PRKCH: variants seen among roughly 807,000 people sequenced by gnomAD.
PRKCH encodes protein kinase C eta.
A neutral mutation model predicts 82.5 loss-of-function variants in PRKCH; 28 were observed. The ratio of observed to expected loss-of-function variants is 0.34; its 90% CI spans 0.25 to 0.47. PRKCH has a LOEUF of 0.47. Ranked by LOEUF, PRKCH falls within the 20% of genes least tolerant of loss-of-function variation. The probability of loss-of-function intolerance (pLI) is 1.00; values close to 1 mark genes in which losing one functional copy is unlikely to be tolerated. For synonymous variants in PRKCH, 322 were observed against 327.4 expected (o/e 0.98, Z 0.18); for missense variants, 705 against 881.8 (o/e 0.80, Z 2.54).
chr14:61,353,180 A>G (rs1187991444), intron 1 of PRKCH, among the ~76,000 whole-genome samples: 1 of 152,182 alleles, frequency 6.6e-6, no homozygotes, highest in Non-Finnish European at 1.5e-5. Flanking sequence ...AAGTGGGGAA[A>G]AATCTGGAAA....
intron 10 of PRKCH, among the ~76,000 whole-genome samples, chr14:61,514,997 A>G (rs992528977): frequency 6.6e-6 from 1 of 152,220 alleles, no homozygotes; most frequent in Admixed American, 6.5e-5. Context: ...CATGATAAAA[A>G]TATTCATAGA....
chr14:61,250,285 G>A (rs1031011864), intron 1 of PRKCH, among the ~76,000 whole-genome samples: 1 of 120,140 alleles, frequency 8.3e-6, no homozygotes, highest in Admixed American at 8.5e-5. Flanking sequence ...AAATAAATCT[G>A]GACACGGATG....
At chr14:61,386,554 G>C (rs2046591307) in intron 1 of PRKCH, among the ~76,000 whole-genome samples, 2 of 152,132 alleles carry the variant, frequency 1.3e-5, no homozygotes, top group Admixed American at 1.3e-4. Context: ...GTGGCCTACT[G>C]GGTAAATACA....
intron 1 of PRKCH, among the ~76,000 whole-genome samples, chr14:61,237,707 C>T (rs1214883616): frequency 6.6e-6 from 1 of 152,202 alleles, no homozygotes; most frequent in African/African-American, 2.4e-5. Context: ...TCCCCCAACC[C>T]TTACCTCCAG....
At position 61,231,884 on chromosome 14, in the gene PRKCH, A is replaced by G. The variant is rs539399107; in HGVS notation, c.-19+44216A>G. Among the ~76,000 whole-genome samples, 65 of 152,302 alleles carry G rather than the reference A, an allele frequency of 4.3e-4. 1 individual carries two copies. Among genetic ancestry groups the G allele is most frequent in the Middle Eastern group, 6.8e-3 (2 of 294 alleles). On this transcript the variant is annotated intron_variant, in intron 1 of 3. Coordinates refer to the PRKCH transcript ENST00000555185. The stretch of plus-strand genomic sequence containing the variant: ...TGCTATACTCTCACCACACAGTCAC[A>G]CAACACTGCTAACACCAGCTGTGTT...
intron 10 of PRKCH, among the ~76,000 whole-genome samples, chr14:61,508,343 C>T (rs774042435): frequency 5.3e-5 from 8 of 152,078 alleles, no homozygotes; most frequent in Non-Finnish European, 7.4e-5. Flanking sequence ...GGGAGCAGCA[C>T]AGATCATAGA....
chr14:61,233,869 C>T (rs2044765070), intron 1 of PRKCH, among the ~76,000 whole-genome samples: 1 of 152,110 alleles, frequency 6.6e-6, no homozygotes, highest in African/African-American at 2.4e-5. Flanking sequence ...TCAGGTATGT[C>T]TTTTTTAGCA....
chr14:61,286,461 GT>G (rs2045314746), intron 1 of PRKCH, among the ~76,000 whole-genome samples: 1 of 152,184 alleles, frequency 6.6e-6, no homozygotes, highest in South Asian at 2.1e-4. Context: ...CGGTGTGTTG[GT>G]TCTTTGTCAC....
At chr14:61,317,992 A>G (rs1395237834), upstream of PRKCH, among the ~76,000 whole-genome samples, 1 of 152,130 alleles carries the variant, frequency 6.6e-6, no homozygotes, top group Non-Finnish European at 1.5e-5. Flanking sequence ...AAGATATATC[A>G]AACTTGATAA....
intron 1 of PRKCH, among the ~76,000 whole-genome samples, chr14:61,276,355 T>G (rs2045201750): frequency 6.6e-6 from 1 of 151,972 alleles, no homozygotes; most frequent in Non-Finnish European, 1.5e-5. Flanking sequence ...GGACTTTTTT[T>G]TTTTTTCTTT....
intron 2 of PRKCH, among the ~76,000 whole-genome samples, chr14:61,391,840 C>T (rs928445054): frequency 6.6e-6 from 1 of 152,136 alleles, no homozygotes; most frequent in Non-Finnish European, 1.5e-5. Flanking sequence ...CAAATGCATA[C>T]AACTGCATAA....
chr14:61,202,954 A>G (rs1486870516), intron 1 of PRKCH, among the ~76,000 whole-genome samples: 1 of 152,072 alleles, frequency 6.6e-6, no homozygotes, highest in Non-Finnish European at 1.5e-5. Flanking sequence ...GCACAATGTC[A>G]TGCGTCCACC....
intron 1 of PRKCH, among the ~76,000 whole-genome samples, chr14:61,249,419 T>G (rs2044919577): frequency 6.6e-6 from 1 of 151,870 alleles, no homozygotes; most frequent in Non-Finnish European, 1.5e-5. Flanking sequence ...CACACTCACT[T>G]TGGCAGCACA....
At chr14:61,349,576 A>G (rs1192710274) in intron 1 of PRKCH, among the ~76,000 whole-genome samples, 1 of 152,154 alleles carries the variant, frequency 6.6e-6, no homozygotes, top group Non-Finnish European at 1.5e-5. Flanking sequence ...TTGTCACCTT[A>G]GAAATGCTGT....
chr14:61,218,792 C>G (rs903818427), intron 1 of PRKCH, among the ~76,000 whole-genome samples: 1 of 152,182 alleles, frequency 6.6e-6, no homozygotes, highest in Non-Finnish European at 1.5e-5. Flanking sequence ...TTCTCCAGTG[C>G]TCCCCCGATG....
chr14:61,222,838 GAAATTTGAACCT>G (rs1303939180), intron 1 of PRKCH, among the ~76,000 whole-genome samples: 5 of 152,200 alleles, frequency 3.3e-5, no homozygotes, highest in African/African-American at 9.6e-5. Context: ...ATGAACTCAT[GAAATTTGAACCT>G]CAAAGATTCG....
At chr14:61,399,585 A>G (rs1881489478) in intron 2 of PRKCH, among the ~76,000 whole-genome samples, 1 of 152,230 alleles carries the variant, frequency 6.6e-6, no homozygotes, top group African/African-American at 2.4e-5. Context: ...TTGTTCCGTC[A>G]TAAAGTTCTC....
intron 1 of PRKCH, among the ~76,000 whole-genome samples, chr14:61,199,164 T>C (rs1163902376): frequency 6.6e-6 from 1 of 152,214 alleles, no homozygotes; most frequent in Non-Finnish European, 1.5e-5. Flanking sequence ...GATTTAAAAA[T>C]CAATTTAACA....
chr14:61,250,915 G>A (rs866996912), intron 1 of PRKCH, among the ~76,000 whole-genome samples: 5 of 152,024 alleles, frequency 3.3e-5, no homozygotes, highest in Admixed American at 6.6e-5. Flanking sequence ...TTAAAAAAAG[G>A]TCTAGCATAT....
Sources: allele counts gnomAD v4.1 joint callset (sites outside exome capture counted in the v4.1 genomes callset), GRCh38; gene constraint gnomAD v4.1.1; transcripts MANE v1.5; gene names NCBI Gene and HGNC (gene_info 2026-07-23, HGNC 2026-07-21).